DMD: variants seen among roughly 807,000 people sequenced by gnomAD.
The protein encoded by DMD is dystrophin, also known as mutant dystrophin.
DMD carries 63 observed loss-of-function variants against 330.1 expected under a neutral mutation model. The ratio of observed to expected loss-of-function variants is 0.19; its 90% CI spans 0.16 to 0.24. The LOEUF (loss-of-function observed/expected upper bound fraction) is 0.24. Ranked by LOEUF, DMD falls within the 10% of genes least tolerant of loss-of-function variation. The pLI is 1.00. For synonymous variants in DMD, 1,223 were observed against 959.8 expected, an observed-to-expected ratio of 1.27 and a Z score of -5.07; for missense variants, 3,344 against 2,684.1, an observed-to-expected ratio of 1.25 and a Z score of -5.43.
At chrX:32,272,697 A>G (rs2097369778) in intron 43 of DMD, among the ~76,000 whole-genome samples, 1 of 112,020 alleles carries the variant, frequency 8.9e-6, no homozygotes, top group Admixed American at 9.5e-5. Flanking sequence ...TCTAAAATTA[A>G]GGTTCTCTTG....
Position 33,321,428 on chromosome X carries a change from G to GA in DMD, c.7+17830dup, listed in dbSNP as rs60756362. 3.4e-3 allele frequency among the ~76,000 whole-genome samples: 366 copies of GA among 106,138 alleles called. 1 individual carries two copies. The highest frequency in any genetic ancestry group is 0.015 in the Middle Eastern group (3 of 204). The allele number at this position is 106,138 out of a possible 115,157, so 92.2% of individuals were successfully genotyped here. On this transcript the variant is annotated intron_variant, in intron 1 of 17. Transcript: ENST00000288447. ...ATTATTAATGAGCAGTAATATTTTT[G>GA]AAAAAAAAAATATATTTTTCTGAGC...
chrX:33,019,085 T>C (rs777109878), intron 2 of DMD, among the ~76,000 whole-genome samples: 92 of 111,830 alleles, frequency 8.2e-4, no homozygotes, highest in Non-Finnish European at 1.5e-3. Context: ...ATTCTAAAAA[T>C]GTTTGTCATA....
intron 45 of DMD, among the ~76,000 whole-genome samples, chrX:31,946,660 T>G (rs2095091268): frequency 9.0e-6 from 1 of 111,632 alleles, no homozygotes; most frequent in South Asian, 3.7e-4. Context: ...TAAACAGACC[T>G]AGCCATGTAC....
intron 2 of DMD, among the ~76,000 whole-genome samples, chrX:32,974,236 T>C (rs1602338517): frequency 9.0e-6 from 1 of 111,494 alleles, no homozygotes; most frequent in East Asian, 2.8e-4. Flanking sequence ...ATGTCCAAAA[T>C]AGGCAGATCT....
At chrX:33,016,039 C>T (rs958016181) in intron 2 of DMD, among the ~76,000 whole-genome samples, 3 of 110,172 alleles carry the variant, frequency 2.7e-5, no homozygotes, top group Non-Finnish European at 3.8e-5. Context: ...TTTGCCCAGG[C>T]CTTTCCTGGG....
intron 7 of DMD, among the ~76,000 whole-genome samples, chrX:32,788,134 T>C (rs1445708891): frequency 7.2e-5 from 8 of 111,692 alleles, no homozygotes; most frequent in African/African-American, 2.6e-4. Flanking sequence ...AAATCAACCC[T>C]AGGTTAATCT....
intron 44 of DMD, among the ~76,000 whole-genome samples, chrX:32,121,661 A>ATATATATATATATATG (rs1415216267): frequency 1.2e-5 from 1 of 81,314 alleles, no homozygotes; most frequent in Admixed American, 1.3e-4. Flanking sequence ...ATATATATAT[A>ATATATATATATATATG]TATGTATTCG....
chrX:33,067,169 G>A (rs185628783), intron 1 of DMD, among the ~76,000 whole-genome samples: 188 of 111,985 alleles, frequency 1.7e-3, no homozygotes, highest in Non-Finnish European at 2.0e-3. Context: ...ATACCTACTC[G>A]ATCCTACAAG....
At chrX:31,477,807 AC>A (rs2067908425) in intron 59 of DMD, among the ~76,000 whole-genome samples, 1 of 110,614 alleles carries the variant, frequency 9.0e-6, no homozygotes, top group Non-Finnish European at 1.9e-5. Context: ...ACACACACAC[AC>A]ACACACACAC....
intron 1 of DMD, among the ~76,000 whole-genome samples, chrX:33,194,941 G>T (rs775335236): frequency 9.0e-6 from 1 of 111,508 alleles, no homozygotes; most frequent in Non-Finnish European, 1.9e-5. Flanking sequence ...AATATGAATA[G>T]GTTGTTAGAC....
intron 52 of DMD, among the ~76,000 whole-genome samples, chrX:31,699,019 T>C (rs187603427): frequency 1.8e-5 from 2 of 111,942 alleles, no homozygotes; most frequent in East Asian, 5.6e-4. Flanking sequence ...TTTAGTGCTA[T>C]TTTCACACTG....
chrX:32,722,135 G>A lies in DMD; in HGVS notation c.650-22842C>T, dbSNP rs751311116. On this transcript the variant is annotated intron_variant, in intron 7 of 78. Coordinates refer to ENST00000357033, the MANE Select transcript of DMD (RefSeq NM_004006.3). ...CCTCAAGATTGTTCTGGCTATTTGG[G>A]ATTTCATGTAAGTTTTATAATGCTC... Among the ~76,000 whole-genome samples, 173 of 108,869 alleles carry A rather than the reference G, an allele frequency of 1.6e-3. 1 individual carries two copies. The highest frequency in any genetic ancestry group is 2.4e-3 in the African/African-American group (71 of 30,001). 94.5% of individuals were successfully genotyped at this position (108,869 alleles called of 115,157 possible).
At chrX:31,610,614 A>G (rs1319638984) in intron 55 of DMD, among the ~76,000 whole-genome samples, 1 of 112,414 alleles carries the variant, frequency 8.9e-6, no homozygotes, top group African/African-American at 3.2e-5. Flanking sequence ...CATGTTTAAC[A>G]AAATGCATTT....
chrX:32,994,074 A>G (rs1474473573), intron 2 of DMD, among the ~76,000 whole-genome samples: 1 of 110,287 alleles, frequency 9.1e-6, no homozygotes, highest in East Asian at 2.9e-4. Flanking sequence ...AATGTAGCAA[A>G]GCCTGTTTGT....
chrX:31,878,543 G>A (rs1654233811), intron 47 of DMD, among the ~76,000 whole-genome samples: 1 of 111,593 alleles, frequency 9.0e-6, no homozygotes, highest in Non-Finnish European at 1.9e-5. Flanking sequence ...AAAATCAAAA[G>A]CTTCTGCACG....
intron 17 of DMD, among the ~76,000 whole-genome samples, chrX:32,525,816 C>T (rs187392641): frequency 4.7e-4 from 52 of 111,698 alleles, no homozygotes; most frequent in Admixed American, 3.9e-3. Context: ...TATTTAATTA[C>T]GAACGAAATA....
At position 32,318,692 on chromosome X, in the gene DMD, C is replaced by A. The variant is rs73462054; in HGVS notation, c.5923-8416G>T. On this transcript the variant is annotated intron_variant, in intron 41 of 78. Transcript: ENST00000357033. ...TTATTCAGAATCAATGAACAATTTACCCCCTTTGTTTAAAAAGAATAAAAC... is the reference window on the plus strand; with the variant it reads ...TTATTCAGAATCAATGAACAATTTAACCCCTTTGTTTAAAAAGAATAAAAC... Among the ~76,000 whole-genome samples, 416 of 111,493 alleles carry A rather than the reference C, an allele frequency of 3.7e-3. 4 individuals carry two copies. Among genetic ancestry groups the A allele is most frequent in the African/African-American group, 0.012 (382 of 30,800 alleles).
At chrX:33,245,532 G>T (rs1351628204) in intron 1 of DMD, among the ~76,000 whole-genome samples, 3 of 112,109 alleles carry the variant, frequency 2.7e-5, no homozygotes, top group African/African-American at 9.7e-5. Flanking sequence ...ATTCTGTGTT[G>T]TTGTCTTGTT....
intron 1 of DMD, among the ~76,000 whole-genome samples, chrX:33,055,189 G>T (rs2094502855): frequency 9.0e-6 from 1 of 111,500 alleles, no homozygotes; most frequent in Admixed American, 9.6e-5. Context: ...GAATATCTTA[G>T]AAGCCAGGGA....
Sources: allele counts gnomAD v4.1 joint callset (sites outside exome capture counted in the v4.1 genomes callset), GRCh38; gene constraint gnomAD v4.1.1; transcripts MANE v1.5; gene names NCBI Gene and HGNC (gene_info 2026-07-23, HGNC 2026-07-21).